Variants in RGL1 observed in about 807,000 individuals in gnomAD.
RGL1 encodes ral guanine nucleotide dissociation stimulator-like 1.
A neutral mutation model predicts 95.2 loss-of-function variants in RGL1; 24 were observed. The observed-to-expected ratio is 0.25, with a 90% CI of 0.18 to 0.35. RGL1 has a LOEUF of 0.35. Among genes scored for constraint, RGL1 ranks in the 10% least tolerant of loss-of-function variants. The pLI, the probability that RGL1 is intolerant of heterozygous loss-of-function variation, is 1.00. For missense variants in RGL1, 715 were observed against 936.3 expected, an observed-to-expected ratio of 0.76 and a Z score of 3.08; for synonymous variants, 329 against 344.9, an observed-to-expected ratio of 0.95 and a Z score of 0.51.
At chr1:183,796,164 ATTT>A (rs566005120) in intron 2 of RGL1, among the ~76,000 whole-genome samples, 3 of 128,076 alleles carry the variant, frequency 2.3e-5, no homozygotes, top group African/African-American at 2.9e-5. Context: ...TTGTATTCCT[ATTT>A]TTTTTTTTTT....
chr1:183,745,092 C>T (rs1657540458), intron 2 of RGL1, among the ~76,000 whole-genome samples: 1 of 152,078 alleles, frequency 6.6e-6, no homozygotes, highest in Non-Finnish European at 1.5e-5. Flanking sequence ...GAAATGGGAC[C>T]TTGTTGTAAC....
intron 1 of RGL1, among the ~76,000 whole-genome samples, chr1:183,805,970 T>C (rs1160932335): frequency 1.7e-5 from 2 of 114,546 alleles, no homozygotes; most frequent in African/African-American, 6.8e-5. Context: ...TCTTTTCTTT[T>C]CTTTTTTTTT....
chr1:183,804,604 T>C (rs879655853), upstream of RGL1, among the ~76,000 whole-genome samples: 10 of 152,150 alleles, frequency 6.6e-5, no homozygotes, highest in Admixed American at 2.0e-4. Context: ...TACTGGGTAA[T>C]TGGGGTGGTG....
chr1:183,775,175 T>C (rs1659526470), intron 2 of RGL1, among the ~76,000 whole-genome samples: 2 of 152,224 alleles, frequency 1.3e-5, no homozygotes, highest in African/African-American at 4.8e-5. Context: ...GTCTCAGTGA[T>C]TGACTTTCTG....
At chr1:183,827,104 A>G (rs1309897147) in intron 2 of RGL1, among the ~76,000 whole-genome samples, 1 of 152,052 alleles carries the variant, frequency 6.6e-6, no homozygotes, top group African/African-American at 2.4e-5. Context: ...TGTGTTTTTA[A>G]TAGAGTCAGG....
intron 2 of RGL1, among the ~76,000 whole-genome samples, chr1:183,792,720 A>G (rs1660496395): frequency 6.6e-6 from 1 of 152,142 alleles, no homozygotes; most frequent in African/African-American, 2.4e-5. Context: ...AGCTACAAAA[A>G]ATACCTAGGA....
chr1:183,679,001 G>C (rs1320055923), intron 1 of RGL1, among the ~76,000 whole-genome samples: 1 of 152,184 alleles, frequency 6.6e-6, no homozygotes, highest in Non-Finnish European at 1.5e-5. Flanking sequence ...GAGTACCAAA[G>C]TGGATGGAAG....
chr1:183,808,682 TG>T (rs1205097111), intron 2 of RGL1, among the ~76,000 whole-genome samples: 4 of 151,796 alleles, frequency 2.6e-5, no homozygotes, highest in Non-Finnish European at 4.4e-5. Context: ...TACTAGAGAG[TG>T]GGGTCAGGTG....
At chr1:183,751,674 G>C (rs1658009903) in intron 2 of RGL1, among the ~76,000 whole-genome samples, 1 of 152,334 alleles carries the variant, frequency 6.6e-6, no homozygotes, top group South Asian at 2.1e-4. Context: ...CAGGGCCCTG[G>C]TGGTGTAGGC....
chr1:183,697,348 T>C (rs917713333), intron 1 of RGL1, among the ~76,000 whole-genome samples: 6 of 152,196 alleles, frequency 3.9e-5, no homozygotes, highest in African/African-American at 1.4e-4. Context: ...TTTATTATTT[T>C]CTAATATTTT....
intron 1 of RGL1, among the ~76,000 whole-genome samples, chr1:183,730,317 G>C (rs1656556254): frequency 6.6e-6 from 1 of 152,110 alleles, no homozygotes; most frequent in South Asian, 2.1e-4. Flanking sequence ...CTAAGACCAA[G>C]AGCCAGGGTT....
intron 2 of RGL1, among the ~76,000 whole-genome samples, chr1:183,810,463 C>T (rs1252598237): frequency 1.3e-5 from 2 of 152,090 alleles, no homozygotes; most frequent in Admixed American, 6.5e-5. Flanking sequence ...ACACCGTTTC[C>T]CACATAGGCT....
chr1:183,709,510 TG>T (rs1655131206), intron 1 of RGL1: 2 of 152,420 alleles, frequency 1.3e-5, no homozygotes, highest in African/African-American at 4.8e-5. Context: ...GTTCCTAGAT[TG>T]GGGTTCTTCC....
At chr1:183,869,667 A>G (rs1558260730) in intron 4 of RGL1, among the ~76,000 whole-genome samples, 2 of 151,270 alleles carry the variant, frequency 1.3e-5, no homozygotes, top group Non-Finnish European at 1.5e-5. Context: ...TCACTTCACT[A>G]TTATTTTTTG....
intron 2 of RGL1, among the ~76,000 whole-genome samples, chr1:183,749,328 G>T (rs1657850096): frequency 6.6e-6 from 1 of 152,132 alleles, no homozygotes. Flanking sequence ...ATATATTTAG[G>T]ATAGCCATCT....
chr1:183,885,545 T>C (rs1392628470), intron 7 of RGL1, among the ~76,000 whole-genome samples: 1 of 152,224 alleles, frequency 6.6e-6, no homozygotes, highest in African/African-American at 2.4e-5. Context: ...TGTTGGAGTC[T>C]AGTCTCTTGG....
intron 2 of RGL1, among the ~76,000 whole-genome samples, chr1:183,780,050 A>G (rs1355090093): frequency 6.6e-6 from 1 of 152,234 alleles, no homozygotes; most frequent in East Asian, 1.9e-4. Context: ...TATAAAGGAT[A>G]TAGAATTTGA....
In RGL1 at chr1:183,927,718, T is replaced by C. The variant is rs962920881; in HGVS notation, c.*1426T>C. 1 of 152,652 alleles carries C rather than the reference T, an allele frequency of 6.6e-6. No homozygotes were observed. Among genetic ancestry groups the C allele is most frequent in the Non-Finnish European group, 1.5e-5 (1 of 68,022 alleles). The allele number at this position is 152,652 out of a possible 1,614,324, so 9.5% of individuals were successfully genotyped here. On this transcript the variant is annotated 3_prime_UTR_variant, in exon 18 of 18. Transcript: ENST00000360851. ...ATGTGTAAGAAGCACTTTCAGAATG[T>C]TGTCCTTTTTAAGAAATGATTCTCA...
chr1:183,868,604 A>G (rs1344223606), intron 4 of RGL1, among the ~76,000 whole-genome samples: 1 of 152,206 alleles, frequency 6.6e-6, no homozygotes, highest in East Asian at 1.9e-4. Context: ...GTCTATGAAA[A>G]CTCACTAAGA....
Sources: allele counts gnomAD v4.1 joint callset (sites outside exome capture counted in the v4.1 genomes callset), GRCh38; gene constraint gnomAD v4.1.1; transcripts MANE v1.5; gene names NCBI Gene and HGNC (gene_info 2026-07-23, HGNC 2026-07-21).